Variants in GPD2 observed in about 807,000 individuals in gnomAD.
The protein encoded by GPD2 is glycerol-3-phosphate dehydrogenase 2.
A neutral mutation model predicts 82.4 loss-of-function variants in GPD2; 54 were observed. The ratio of observed to expected loss-of-function variants is 0.66; its 90% CI spans 0.53 to 0.82. GPD2 has a LOEUF of 0.82. Among genes scored for constraint, GPD2 ranks in the 40% least tolerant of loss-of-function variants. The pLI is 0.00. For synonymous variants in GPD2, 288 were observed against 306.1 expected (o/e 0.94, Z 0.62); for missense variants, 748 against 896.2 (o/e 0.83, Z 2.11).
At chr2:156,466,981 TA>T (rs1254929377) in intron 1 of GPD2, among the ~76,000 whole-genome samples, 3 of 152,208 alleles carry the variant, frequency 2.0e-5, no homozygotes, top group Non-Finnish European at 2.9e-5. Context: ...GGTTTGCTTC[TA>T]AAATGATATA....
intron 2 of GPD2, among the ~76,000 whole-genome samples, chr2:156,490,166 A>G (rs1249013176): frequency 6.6e-6 from 1 of 152,096 alleles, no homozygotes; most frequent in East Asian, 1.9e-4. Context: ...GTGTGTTGTT[A>G]CCTGTTTTAT....
chr2:156,538,026 G>A (rs1686146852), intron 6 of GPD2, among the ~76,000 whole-genome samples: 1 of 152,162 alleles, frequency 6.6e-6, no homozygotes, highest in Admixed American at 6.5e-5. Context: ...AGATGTATGT[G>A]GTTGCAATTT....
At chr2:156,527,150 T>G (rs987705562) in intron 6 of GPD2, among the ~76,000 whole-genome samples, 1 of 152,074 alleles carries the variant, frequency 6.6e-6, no homozygotes, top group African/African-American at 2.4e-5. Context: ...AAAGCCAGCC[T>G]GGTATTAAGC....
intron 8 of GPD2, among the ~76,000 whole-genome samples, chr2:156,554,762 T>C (rs1027727265): frequency 2.0e-5 from 3 of 152,186 alleles, no homozygotes; most frequent in Admixed American, 6.5e-5. Flanking sequence ...AGCCTACTGG[T>C]GCTTTTTACT....
intron 6 of GPD2, among the ~76,000 whole-genome samples, chr2:156,525,344 A>G (rs187025173): frequency 2.6e-5 from 4 of 152,298 alleles, no homozygotes; most frequent in African/African-American, 9.6e-5. Context: ...TTGCTATGAC[A>G]AGATACTCCG....
intron 6 of GPD2, among the ~76,000 whole-genome samples, chr2:156,523,834 A>G (rs1685509133): frequency 6.6e-6 from 1 of 152,190 alleles, no homozygotes; most frequent in African/African-American, 2.4e-5. Context: ...ATAAGCCACT[A>G]TACCCAGCCA....
chr2:156,431,878 G>A (rs1436509863), upstream of GPD2, among the ~76,000 whole-genome samples: 1 of 137,080 alleles, frequency 7.3e-6, no homozygotes, highest in Non-Finnish European at 1.5e-5. Context: ...CTGCGTGTCT[G>A]TGAAATCTTT....
chr2:156,559,529 A>AT (rs1235568049), intron 9 of GPD2, among the ~76,000 whole-genome samples: 4 of 151,726 alleles, frequency 2.6e-5, no homozygotes, highest in South Asian at 2.1e-4. Flanking sequence ...TCCCCAAAGG[A>AT]TTTTTTTTTG....
intron 13 of GPD2, 141 bp downstream of exon 13, chr2:156,571,433 G>A (rs1187516977): frequency 4.2e-6 from 2 of 474,226 alleles, no homozygotes; most frequent in Non-Finnish European, 7.4e-6. Flanking sequence ...AATATTGTTA[G>A]GCCTTAGGAA....
At chr2:156,443,819 A>G (rs1031319100) in intron 1 of GPD2, among the ~76,000 whole-genome samples, 2 of 152,154 alleles carry the variant, frequency 1.3e-5, no homozygotes, top group African/African-American at 4.8e-5. Flanking sequence ...CCCCCTACTT[A>G]CCCACCTAAT....
At chr2:156,410,520 T>C in the GPD2 span, among the ~76,000 whole-genome samples, 26 of 152,350 alleles carry the variant, frequency 1.7e-4, no homozygotes, top group East Asian at 5.0e-3. Context: ...TTTTCTAATT[T>C]GCTCTATTTA....
the GPD2 span, among the ~76,000 whole-genome samples, chr2:156,404,306 C>G: frequency 1.3e-5 from 2 of 152,178 alleles, no homozygotes; most frequent in South Asian, 2.1e-4. Context: ...GTTGCTTGAG[C>G]CTGGGAGTTT....
intron 12 of GPD2, 75 bp downstream of exon 12, chr2:156,570,293 A>C: frequency 7.2e-7 from 1 of 1,380,672 alleles, no homozygotes; most frequent in South Asian, 1.2e-5. Context: ...CATCTTTAAA[A>C]ATTATATGTA....
At position 156,510,899 on chromosome 2, in the gene GPD2, C is replaced by A; in HGVS notation, c.378C>A (p.Ile126=). The change falls in exon 4 of 17, where the codon ATC becomes ATA. Residue 126 remains isoleucine (I), a synonymous_variant. Transcript: ENST00000438166. ...GTGTGAGATATCTGCAGAAGGCCATCATGAAGTTGGATATTGAGCAGGTAA... is the reference window on the plus strand; with the variant it reads ...GTGTGAGATATCTGCAGAAGGCCATAATGAAGTTGGATATTGAGCAGGTAA... The part of the protein sequence containing the change: ...HGGVRYLQKA[I]MKLDIEQYRM... 1.2e-6 allele frequency: 2 copies of A among 1,613,554 alleles called. No individual in the cohort carries two copies. The highest frequency in any genetic ancestry group is 1.7e-6 in the Non-Finnish European group (2 of 1,179,518).
intron 1 of GPD2, among the ~76,000 whole-genome samples, chr2:156,446,815 A>G (rs995651577): frequency 5.9e-5 from 9 of 152,168 alleles, no homozygotes; most frequent in African/African-American, 2.2e-4. Flanking sequence ...TGGCCTCCCA[A>G]AGTGCTGGGA....
intron 2 of GPD2, among the ~76,000 whole-genome samples, chr2:156,480,764 A>G (rs1008315593): frequency 1.4e-5 from 2 of 147,606 alleles, no homozygotes; most frequent in Admixed American, 6.7e-5. Context: ...GAAAATCAAG[A>G]TCTCTCTCTC....
intron 6 of GPD2, among the ~76,000 whole-genome samples, chr2:156,522,934 A>C (rs373229649): frequency 7.6e-6 from 1 of 131,796 alleles, no homozygotes; most frequent in African/African-American, 2.6e-5. Context: ...TAAAGACTTT[A>C]CTTTTTTAGA....
chr2:156,499,191 GT>G (rs1313370032), intron 3 of GPD2, among the ~76,000 whole-genome samples: 3 of 152,144 alleles, frequency 2.0e-5, no homozygotes, highest in African/African-American at 7.2e-5. Context: ...TGCAGAGAAT[GT>G]GACAGGAAAA....
At chr2:156,447,277 T>C (rs557789137) in intron 1 of GPD2, among the ~76,000 whole-genome samples, 2 of 152,320 alleles carry the variant, frequency 1.3e-5, no homozygotes, top group Admixed American at 1.3e-4. Context: ...TTTCTACTTC[T>C]TCACCTTCCA....
Sources: allele counts gnomAD v4.1 joint callset (sites outside exome capture counted in the v4.1 genomes callset), GRCh38; gene constraint gnomAD v4.1.1; transcripts MANE v1.5; gene names NCBI Gene and HGNC (gene_info 2026-07-23, HGNC 2026-07-21).